Variants in PDXK observed in about 807,000 individuals in gnomAD.
PDXK encodes pyridoxal kinase, also known as epididymis secretory sperm binding protein Li 1a.
Under a neutral mutation model 43.2 loss-of-function variants are expected in PDXK, and 15 were observed. The ratio of observed to expected loss-of-function variants is 0.35; its 90% CI spans 0.23 to 0.53. The LOEUF is 0.53. Among genes scored for constraint, PDXK ranks in the 20% least tolerant of loss-of-function variants. PDXK has a pLI of 0.92. For missense variants in PDXK, 343 were observed against 417.0 expected (o/e 0.82, Z 1.54); for synonymous variants, 172 against 165.4 (o/e 1.04, Z -0.31).
At chr21:43,720,538 G>A (rs987676883) in intron 1 of PDXK, among the ~76,000 whole-genome samples, 1 of 152,210 alleles carries the variant, frequency 6.6e-6, no homozygotes, top group Non-Finnish European at 1.5e-5. Context: ...CTGTTGGGAA[G>A]GATGCGGTGC....
Position 43,734,255 on chromosome 21 carries a change from G to A in PDXK, c.142+132G>A. 2.4e-6 allele frequency: 2 copies of A among 834,592 alleles called. No homozygotes were observed. Among genetic ancestry groups the A allele is most frequent in the South Asian group, 1.4e-5 (1 of 71,214 alleles). The allele number at this position is 834,592 out of a possible 1,614,324, so 51.7% of individuals were successfully genotyped here. ...GCTTTCGTGTGGACGGGGACCTGGA[G>A]TCCTGGGCGTCGCTCGGGCAGAGCC... On this transcript the variant is annotated intron_variant, in intron 2 of 10. Coordinates refer to ENST00000291565, the MANE Select transcript of PDXK (RefSeq NM_003681.5). This position sits in a 1 kb window ranked among gnomAD's most constrained non-coding sequence, Gnocchi z 5.0.
At chr21:43,753,345 A>G (rs1393532587) in intron 8 of PDXK, among the ~76,000 whole-genome samples, 1 of 151,352 alleles carries the variant, frequency 6.6e-6, no homozygotes, top group Non-Finnish European at 1.5e-5. Flanking sequence ...GGAGTTTCAC[A>G]GCGACCCCCG....
chr21:43,725,603 A>G (rs1243176408), intron 1 of PDXK, among the ~76,000 whole-genome samples: 1 of 152,126 alleles, frequency 6.6e-6, no homozygotes, highest in Non-Finnish European at 1.5e-5. Context: ...TGAGGTCAGG[A>G]GTTCGAGACC....
At chr21:43,742,198 G>A (rs1166095909) in intron 3 of PDXK, among the ~76,000 whole-genome samples, 1 of 152,042 alleles carries the variant, frequency 6.6e-6, no homozygotes, top group Non-Finnish European at 1.5e-5. Context: ...TATTATTTTT[G>A]AGACAGGGTC....
At position 43,743,833 on chromosome 21, in the gene PDXK, T is replaced by G. The variant is rs114593958; in HGVS notation, c.331+26T>G. ...GTAGGCAGGGGCCCACCCTCGGGTC[T>G]GGCTGTGTGGCCCCACACGGGTGGG... On this transcript the variant is annotated intron_variant, in intron 4 of 10. Transcript: ENST00000291565. 51,656 of 1,547,976 alleles carry G rather than the reference T, an allele frequency of 0.033. 1,006 individuals are homozygous for G. The highest frequency in any genetic ancestry group is 0.1 in the Middle Eastern group (601 of 5,794).
chr21:43,744,437 A>G (rs2083601613), intron 4 of PDXK: 1 of 158,206 alleles, frequency 6.3e-6, no homozygotes, highest in African/African-American at 2.4e-5. Context: ...GGCCTAGCAC[A>G]TGGTTTGCCA....
At chr21:43,747,510 C>G (rs1318082310) in intron 5 of PDXK, among the ~76,000 whole-genome samples, 2 of 152,258 alleles carry the variant, frequency 1.3e-5, no homozygotes, top group African/African-American at 4.8e-5. Context: ...GGGCATCTAA[C>G]TGGGTGGGGC....
chr21:43,736,534 T>A (rs914594980), intron 2 of PDXK, among the ~76,000 whole-genome samples: 2 of 152,118 alleles, frequency 1.3e-5, no homozygotes, highest in African/African-American at 4.8e-5. Context: ...GAAGGTGGGG[T>A]TGCACAGGCT....
intron 6 of PDXK, among the ~76,000 whole-genome samples, chr21:43,749,394 C>T (rs1293622257): frequency 5.3e-5 from 8 of 152,242 alleles, no homozygotes; most frequent in South Asian, 2.1e-4. Flanking sequence ...CATGAGTCAT[C>T]GTGCCCAGCA....
chr21:43,743,724 G>A lies in PDXK; in HGVS notation c.248G>A (p.Gly83Asp), dbSNP rs1286109862. The part of the protein sequence containing the change: ...NMNKYDYVLT[G>D]YTRDKSFLAM... ...GGTGACCTGGATTCTCCCCCTAAAG[G>A]TTATACGAGGGACAAGTCGTTCCTG... Residue 83 changes from glycine to aspartate, a missense_variant and splice_region_variant, in exon 4 of 11, where the codon GGT becomes GAT. Gly to Asp is a moderately conservative substitution (Grantham distance 94, BLOSUM62 -1). Coordinates refer to ENST00000291565, the MANE Select transcript of PDXK (RefSeq NM_003681.5). The A allele has an allele frequency of 6.2e-7, 1 of 1,609,092 alleles. No individual in the cohort carries two copies. The highest frequency in any genetic ancestry group is 1.3e-5 in the African/African-American group (1 of 74,782).
chr21:43,725,196 G>A (rs555563761), intron 1 of PDXK, among the ~76,000 whole-genome samples: 19 of 151,936 alleles, frequency 1.3e-4, no homozygotes, highest in East Asian at 2.0e-4. Flanking sequence ...GGTGGTGGGC[G>A]ACTGTAGTCT....
chr21:43,729,779 A>G (rs1209667941), intron 1 of PDXK, among the ~76,000 whole-genome samples: 1 of 152,068 alleles, frequency 6.6e-6, no homozygotes, highest in Non-Finnish European at 1.5e-5. Context: ...CTCCACAAAA[A>G]ATAAAACATA....
rs535535313 is a variant in PDXK at position 43,760,031 on chromosome 21, A to T, written c.*3968A>T. ...TGGGTGGACACCGTCCCCACTCCGGACTCCCAGCACAGGGGAGGATACCTG... is the reference window on the plus strand; with the variant it reads ...TGGGTGGACACCGTCCCCACTCCGGTCTCCCAGCACAGGGGAGGATACCTG... On this transcript the variant is annotated 3_prime_UTR_variant, in exon 11 of 11. Coordinates refer to ENST00000291565, the MANE Select transcript of PDXK (RefSeq NM_003681.5). 4 of 149,822 alleles carry T rather than the reference A, an allele frequency of 2.7e-5. No individual in the cohort carries two copies. The highest frequency in any genetic ancestry group is 1.0e-4 in the African/African-American group (4 of 39,952). The allele number at this position is 149,822 out of a possible 1,614,324, so 9.3% of individuals were successfully genotyped here.
chr21:43,725,671 C>T (rs780687856), intron 1 of PDXK, among the ~76,000 whole-genome samples: 2 of 151,924 alleles, frequency 1.3e-5, no homozygotes, highest in Non-Finnish European at 2.9e-5. Context: ...ATTAGCCGGG[C>T]GTGGTGGCAC....
At chr21:43,739,320 G>T (rs2083455011) in intron 2 of PDXK, among the ~76,000 whole-genome samples, 1 of 152,184 alleles carries the variant, frequency 6.6e-6, no homozygotes, top group South Asian at 2.1e-4. Context: ...ACCGCACCCG[G>T]CCCCACCTTT....
intron 1 of PDXK, among the ~76,000 whole-genome samples, chr21:43,721,005 C>T (rs930308984): frequency 2.6e-5 from 4 of 152,208 alleles, no homozygotes; most frequent in African/African-American, 7.2e-5. Flanking sequence ...GGTGGAGCCT[C>T]GAAAGGATGG....
intron 1 of PDXK, among the ~76,000 whole-genome samples, chr21:43,722,351 G>A (rs13049734): frequency 4.3e-4 from 66 of 152,328 alleles, no homozygotes; most frequent in African/African-American, 1.6e-3. Flanking sequence ...TGTTTCTGTA[G>A]GCCTCACTGC....
chr21:43,749,903 G>A (rs527677553), intron 6 of PDXK, among the ~76,000 whole-genome samples: 3 of 152,352 alleles, frequency 2.0e-5, no homozygotes, highest in African/African-American at 7.2e-5. Context: ...CCCAGCTGAA[G>A]AATCACACAC....
In PDXK at chr21:43,758,002, T is replaced by G. The variant is rs530293622; in HGVS notation, c.*1939T>G. The G allele has an allele frequency of 6.6e-6, 1 of 151,912 alleles. No homozygotes were observed. Among genetic ancestry groups the G allele is most frequent in the Non-Finnish European group, 1.5e-5 (1 of 67,810 alleles). The allele number at this position is 151,912 out of a possible 1,614,324, so 9.4% of individuals were successfully genotyped here. Reference sequence around the variant, plus strand: ...TTTCTTTTTCTTTTTTTTTTTTTTTTAAACACCAAGAGCACGTATAGCATG... The same window carrying G: ...TTTCTTTTTCTTTTTTTTTTTTTTTGAAACACCAAGAGCACGTATAGCATG... On this transcript the variant is annotated 3_prime_UTR_variant, in exon 11 of 11. Coordinates refer to ENST00000291565, the MANE Select transcript of PDXK (RefSeq NM_003681.5).
Sources: gnomAD v4.1 joint callset for allele counts (sites outside exome capture counted in the v4.1 genomes callset) on GRCh38, gnomAD v4.1.1 for gene constraint, Gnocchi (gnomAD v3.1) non-coding constraint, MANE v1.5 for transcripts, NCBI Gene and HGNC (gene_info 2026-07-23, HGNC 2026-07-21) for gene names.